The following TMEM38B variants were observed in gnomAD, a reference collection of about 807,000 sequenced individuals.
TMEM38B encodes the protein transmembrane protein 38B.
Under a neutral mutation model 28.7 loss-of-function variants are expected in TMEM38B, and 24 were observed. The observed-to-expected ratio is 0.84, with a 90% CI of 0.61 to 1.18. The LOEUF is 1.18. TMEM38B is among the 50% of genes most tolerant of loss of function. The pLI, the probability that TMEM38B is intolerant of heterozygous loss-of-function variation, is 0.00. For synonymous variants in TMEM38B, 131 were observed against 127.7 expected, an observed-to-expected ratio of 1.03 and a Z score of -0.17; for missense variants, 380 against 350.9, an observed-to-expected ratio of 1.08 and a Z score of -0.66.
chr9:105,705,022 G>T (rs7025950), intron 1 of TMEM38B, among the ~76,000 whole-genome samples: 31,748 of 151,866 alleles, frequency 0.21, 5,136 homozygotes, highest in East Asian at 0.46. Flanking sequence ...TGTCTGAAAG[G>T]TTTCCCCCAC....
chr9:105,706,469 G>T (rs1835670429), intron 2 of TMEM38B, among the ~76,000 whole-genome samples: 1 of 152,202 alleles, frequency 6.6e-6, no homozygotes, highest in African/African-American at 2.4e-5. Context: ...AAAAAGCTGG[G>T]CCTTGAATAA....
Position 105,759,491 on chromosome 9 carries a change from A to G in TMEM38B, c.660+11301A>G, listed in dbSNP as rs1837958174. The G allele has an allele frequency of 3.8e-6, 6 of 1,585,450 alleles. No individual in the cohort carries two copies. The Admixed American group carries it at 7.0e-5, about 18-fold the overall frequency. On this transcript the variant is annotated intron_variant, in intron 5 of 5. Transcript: ENST00000374692. ...TTAAGAAACAGAGGAGTGAGTGCTA[A>G]TGACATAATGGGAGGAAGCTGTCAT... is the stretch of plus-strand genomic sequence containing the variant.
At chr9:105,733,092 T>C (rs1588431471) in intron 4 of TMEM38B, among the ~76,000 whole-genome samples, 4 of 152,208 alleles carry the variant, frequency 2.6e-5, no homozygotes, top group Admixed American at 2.6e-4. Flanking sequence ...TACTGTGGTC[T>C]GAGAGACAGT....
intron 2 of TMEM38B, among the ~76,000 whole-genome samples, chr9:105,711,688 C>T (rs529924339): frequency 3.9e-5 from 6 of 151,930 alleles, no homozygotes; most frequent in Non-Finnish European, 5.9e-5. Context: ...AGTGTCGTGA[C>T]GCATGCCTGT....
In TMEM38B at chr9:105,774,061, A is replaced by G. The variant is rs1187806312; in HGVS notation, c.857A>G (p.His286Arg). ...DVASDNVKKK[H>R]TKKNE is the part of the protein sequence containing the mutation. ...GCCTCAGATAATGTTAAAAAGAAAC[A>G]TACTAAGAAGAATGAATAAATTTAC... Residue 286 changes from histidine (H) to arginine (R), a missense_variant, in exon 6 of 6, where the codon CAT (histidine) becomes CGT (arginine). His to Arg is a conservative substitution (Grantham distance 29). Transcript: ENST00000374692. 1.9e-6 allele frequency: 3 copies of G among 1,613,496 alleles called. No individual in the cohort carries two copies. The highest frequency in any genetic ancestry group is 2.2e-5 in the East Asian group (1 of 44,876).
intron 1 of TMEM38B, among the ~76,000 whole-genome samples, chr9:105,704,438 T>C (rs1455524209): frequency 6.6e-6 from 1 of 151,940 alleles, no homozygotes; most frequent in African/African-American, 2.4e-5. Context: ...ATAAATATAG[T>C]TTGAGTTAGA....
At chr9:105,755,529 T>C (rs1837804135) in intron 5 of TMEM38B, among the ~76,000 whole-genome samples, 1 of 152,216 alleles carries the variant, frequency 6.6e-6, no homozygotes. Context: ...TTTTCAGAAT[T>C]GTTTGACTAT....
intron 4 of TMEM38B, among the ~76,000 whole-genome samples, chr9:105,731,658 A>G (rs1402666261): frequency 1.3e-5 from 2 of 152,150 alleles, no homozygotes; most frequent in Non-Finnish European, 1.5e-5. Context: ...ATGGCTGCAT[A>G]GTATTCCATG....
intron 4 of TMEM38B, among the ~76,000 whole-genome samples, chr9:105,740,292 G>C (rs1223221122): frequency 8.0e-6 from 1 of 124,930 alleles, no homozygotes; most frequent in East Asian, 2.5e-4. Flanking sequence ...ACAGGGTCTT[G>C]CTCTGTTGCC....
At chr9:105,752,075 A>C (rs924564744) in intron 5 of TMEM38B, among the ~76,000 whole-genome samples, 1 of 152,180 alleles carries the variant, frequency 6.6e-6, no homozygotes, top group Admixed American at 6.5e-5. Flanking sequence ...CTAGATCATT[A>C]CCAGACTGTT....
chr9:105,750,093 G>A (rs1419451490), intron 5 of TMEM38B, among the ~76,000 whole-genome samples: 9 of 152,166 alleles, frequency 5.9e-5, no homozygotes, highest in African/African-American at 1.7e-4. Flanking sequence ...TGGTTTTGAT[G>A]TACATCTGAG....
At chr9:105,710,943 C>T (rs924023661) in intron 2 of TMEM38B, among the ~76,000 whole-genome samples, 4 of 152,112 alleles carry the variant, frequency 2.6e-5, no homozygotes, top group Admixed American at 6.5e-5. Context: ...CCTACCTCTG[C>T]GCAAAGCTGG....
At chr9:105,754,467 A>G (rs1261726056) in intron 5 of TMEM38B, among the ~76,000 whole-genome samples, 1 of 152,220 alleles carries the variant, frequency 6.6e-6, no homozygotes, top group Non-Finnish European at 1.5e-5. Context: ...ACTCAAGACT[A>G]ATAAATGCAC....
chr9:105,745,463 G>T (rs1837352572), intron 4 of TMEM38B, among the ~76,000 whole-genome samples: 1 of 152,164 alleles, frequency 6.6e-6, no homozygotes, highest in South Asian at 2.1e-4. Flanking sequence ...ATTTGTTTGA[G>T]TTCTTTGTAG....
chr9:105,745,793 A>G (rs1045977666), intron 4 of TMEM38B, among the ~76,000 whole-genome samples: 1 of 152,088 alleles, frequency 6.6e-6, no homozygotes, highest in African/African-American at 2.4e-5. Flanking sequence ...TCAGTTTTCT[A>G]CATATGGCTA....
chr9:105,758,872 A>G (rs1031643398), intron 5 of TMEM38B: 6 of 1,020,870 alleles, frequency 5.9e-6, no homozygotes, highest in African/African-American at 4.7e-5. Flanking sequence ...AAACTAAGCC[A>G]GGAAGATGTT....
At chr9:105,706,814 CTT>C (rs760474875) in intron 2 of TMEM38B, among the ~76,000 whole-genome samples, 1 of 146,130 alleles carries the variant, frequency 6.8e-6, no homozygotes, top group Admixed American at 6.9e-5. Flanking sequence ...CAGAGGAAAA[CTT>C]TTTTTTTTTT....
chr9:105,713,962 G>T (rs141531230), intron 2 of TMEM38B, among the ~76,000 whole-genome samples: 74 of 107,570 alleles, frequency 6.9e-4, no homozygotes, highest in African/African-American at 3.3e-3. Flanking sequence ...ATGACCAGCT[G>T]CAGGGAGGAG....
chr9:105,760,569 A>G (rs1588468160), intron 5 of TMEM38B: 5 of 745,072 alleles, frequency 6.7e-6, no homozygotes, highest in Non-Finnish European at 1.2e-5. Flanking sequence ...ATGTTATTAA[A>G]AACAAGAGTT....
Sources: gnomAD v4.1 joint callset for allele counts (sites outside exome capture counted in the v4.1 genomes callset) on GRCh38, gnomAD v4.1.1 for gene constraint, MANE v1.5 for transcripts, NCBI Gene and HGNC (gene_info 2026-07-23, HGNC 2026-07-21) for gene names.